KAZN: variants seen among roughly 807,000 people sequenced by gnomAD.
The protein encoded by KAZN is kazrin.
A neutral mutation model predicts 87.4 loss-of-function variants in KAZN; 40 were observed. That is an observed-to-expected ratio of 0.46 (90% confidence interval 0.36 to 0.60). The LOEUF is 0.60. KAZN is among the 20% of genes least tolerant of loss of function. KAZN has a pLI of 0.00. For synonymous variants in KAZN, 466 were observed against 458.3 expected (o/e 1.02, Z -0.22); for missense variants, 898 against 1,073.9 (o/e 0.84, Z 2.29).
In KAZN at chr1:14,179,741, G is replaced by A. The variant is rs112810221; in HGVS notation, c.92-694G>A. 6.9e-3 allele frequency among the ~76,000 whole-genome samples: 1,058 copies of A among 152,316 alleles called. 17 individuals are homozygous for A. The highest frequency in any genetic ancestry group is 0.024 in the African/African-American group (1,008 of 41,564). The stretch of plus-strand genomic sequence containing the variant: ...AAGCACCTTCCATTTGCTAGGTGCT[G>A]TTCTAGTTTTTGGGGAGATGACAGT... On this transcript the variant is annotated intron_variant, in intron 1 of 16. Transcript: ENST00000636203.
At chr1:14,370,359 G>A (rs1660378116) in intron 2 of KAZN, among the ~76,000 whole-genome samples, 1 of 152,224 alleles carries the variant, frequency 6.6e-6, no homozygotes, top group Admixed American at 6.5e-5. Context: ...TGTTCAGTGA[G>A]TGTGGCCACC....
At chr1:15,013,445 G>A (rs534073143) in intron 2 of KAZN, among the ~76,000 whole-genome samples, 1 of 152,258 alleles carries the variant, frequency 6.6e-6, no homozygotes. Flanking sequence ...ATCTGGCAAT[G>A]TGACAGTTTT....
intron 1 of KAZN, among the ~76,000 whole-genome samples, chr1:14,007,978 A>G (rs1049679888): frequency 6.6e-6 from 1 of 152,108 alleles, no homozygotes; most frequent in Non-Finnish European, 1.5e-5. Context: ...ATCTGTAAAT[A>G]AGAGGTTTTA....
chr1:14,939,822 G>C lies in KAZN; in HGVS notation c.227-20862G>C, dbSNP rs1660853892. Reference sequence around the variant, plus strand: ...GGAGGTCCCTGCCAGGCTGGACAGAGAGACCCTGAGCTCCTCCTCTGGAGG... The same window carrying C: ...GGAGGTCCCTGCCAGGCTGGACAGACAGACCCTGAGCTCCTCCTCTGGAGG... On this transcript the variant is annotated intron_variant, in intron 1 of 14. Coordinates refer to ENST00000376030, the MANE Select transcript of KAZN (RefSeq NM_201628.3). 2.6e-5 allele frequency among the ~76,000 whole-genome samples: 4 copies of C among 152,198 alleles called. No homozygotes were observed. The South Asian group carries it at 8.3e-4, about 32-fold the overall frequency.
At chr1:14,192,876 T>C (rs1646449883) in intron 2 of KAZN, among the ~76,000 whole-genome samples, 1 of 152,178 alleles carries the variant, frequency 6.6e-6, no homozygotes, top group Admixed American at 6.5e-5. Flanking sequence ...TATTTGGACA[T>C]TGGGTCTTTA....
intron 2 of KAZN, among the ~76,000 whole-genome samples, chr1:14,995,977 C>G (rs1030860176): frequency 1.3e-5 from 2 of 152,150 alleles, no homozygotes; most frequent in African/African-American, 4.8e-5. Context: ...GTCCGGCCAC[C>G]TGGGTCAACA....
Position 15,060,247 on chromosome 1 carries a change from C to T in KAZN, c.992C>T (p.Ser331Leu). ...SDASAAEGDR[S>L]STPSDINSPR... ...GCATCTGCCGCCGAAGGCGACCGGT[C>T]GTCCACACCGAGCGACATCAACTCC... The change falls in exon 6 of 15, where the codon TCG becomes TTG. Residue 331 changes from serine (S) to leucine (L), a missense_variant. Transcript: ENST00000376030. The T allele has an allele frequency of 6.2e-7, 1 of 1,614,222 alleles. No individual in the cohort carries two copies. The highest frequency in any genetic ancestry group is 8.5e-7 in the Non-Finnish European group (1 of 1,180,034).
At chr1:13,900,284 G>C (rs1233593124) in intron 1 of KAZN, among the ~76,000 whole-genome samples, 1 of 151,960 alleles carries the variant, frequency 6.6e-6, no homozygotes, top group Non-Finnish European at 1.5e-5. Context: ...AGGCACAATG[G>C]ACAAAGAGGT....
At chr1:14,351,516 A>G (rs941719275) in intron 2 of KAZN, among the ~76,000 whole-genome samples, 1 of 152,144 alleles carries the variant, frequency 6.6e-6, no homozygotes, top group Non-Finnish European at 1.5e-5. Flanking sequence ...CTGAGATTGC[A>G]CTACTGCACT....
intron 1 of KAZN, among the ~76,000 whole-genome samples, chr1:14,645,427 C>T (rs1253108872): frequency 1.3e-5 from 2 of 152,192 alleles, no homozygotes; most frequent in African/African-American, 4.8e-5. Context: ...CTCTTCCTAT[C>T]CATAAACAGG....
chr1:13,893,696 G>T, exon 1 of KAZN: 1 of 1,550,496 alleles, frequency 6.4e-7, no homozygotes, highest in African/African-American at 1.4e-5. Flanking sequence ...ATCCAATTCT[G>T]CCACAGGCCC....
intron 8 of KAZN, among the ~76,000 whole-genome samples, chr1:15,076,224 T>C (rs10927667): frequency 6.6e-6 from 1 of 151,946 alleles, no homozygotes; most frequent in Non-Finnish European, 1.5e-5. Context: ...GAGGTAACAG[T>C]CCCGGGTCAC....
At chr1:14,267,322 G>A (rs992773324) in intron 2 of KAZN, among the ~76,000 whole-genome samples, 3 of 148,090 alleles carry the variant, frequency 2.0e-5, no homozygotes, top group East Asian at 3.9e-4. Flanking sequence ...GAATTGTCTT[G>A]GGCTACACAT....
intron 1 of KAZN, among the ~76,000 whole-genome samples, chr1:14,073,715 G>A (rs142963932): frequency 0.017 from 2,644 of 152,220 alleles, 35 homozygotes; most frequent in Non-Finnish European, 0.027. Context: ...CCGTGTCCCT[G>A]CAAAGGACAT....
intron 1 of KAZN, among the ~76,000 whole-genome samples, chr1:13,901,012 G>T (rs1365403099): frequency 6.7e-6 from 1 of 149,302 alleles, no homozygotes; most frequent in Non-Finnish European, 1.5e-5. Flanking sequence ...AAGTAAAAAA[G>T]TTGCTACTTG....
rs1641555039 is a variant in KAZN, at chr1:15,110,511, GTGTTTGTGTGTA to G, written c.2049-1912_2049-1901del. Among the ~76,000 whole-genome samples the G allele has an allele frequency of 8.8e-5, 8 of 91,226 alleles. No homozygotes were observed. The South Asian group carries it at 3.4e-3, about 39-fold the overall frequency. The allele number at this position is 91,226 out of a possible 152,430, so 59.8% of individuals were successfully genotyped here. ...TGTGTATGTATGTGTGTGTATTTGTGTGTTTGTGTGTATGTGTTTGTGTGTGTGCATATGTGT... is the reference window on the plus strand; with the variant it reads ...TGTGTATGTATGTGTGTGTATTTGTGTGTGTTTGTGTGTGTGCATATGTGT... On this transcript the variant is annotated intron_variant, in intron 13 of 14. Coordinates refer to ENST00000376030, the MANE Select transcript of KAZN (RefSeq NM_201628.3).
upstream of KAZN, among the ~76,000 whole-genome samples, chr1:14,597,142 A>C (rs1676560024): frequency 6.6e-6 from 1 of 152,244 alleles, no homozygotes; most frequent in Non-Finnish European, 1.5e-5. Flanking sequence ...TACACTAAGC[A>C]GTTCTAAGTG....
chr1:14,849,933 C>G (rs945197526), intron 1 of KAZN, among the ~76,000 whole-genome samples: 2 of 149,810 alleles, frequency 1.3e-5, no homozygotes, highest in Non-Finnish European at 3.0e-5. Context: ...GATTTTCTAC[C>G]CCCCCTTTTT....
At chr1:14,920,769 C>T (rs546802048) in intron 1 of KAZN, among the ~76,000 whole-genome samples, 1 of 152,268 alleles carries the variant, frequency 6.6e-6, no homozygotes, top group African/African-American at 2.4e-5. Context: ...CAGAAGCTGG[C>T]TCTGCAAAGG....
Sources: allele counts gnomAD v4.1 joint callset (sites outside exome capture counted in the v4.1 genomes callset), GRCh38; gene constraint gnomAD v4.1.1; transcripts MANE v1.5; gene names NCBI Gene and HGNC (gene_info 2026-07-23, HGNC 2026-07-21).